RBFOX3: variants seen among roughly 807,000 people sequenced by gnomAD.
RBFOX3 encodes the protein RNA binding fox-1 homolog 3.
Under a neutral mutation model 48.7 loss-of-function variants are expected in RBFOX3, and 17 were observed. The observed-to-expected ratio is 0.35, with a 90% CI of 0.24 to 0.52. The LOEUF is 0.52. RBFOX3 is among the 20% of genes least tolerant of loss of function. The pLI is 0.94. For synonymous variants in RBFOX3, 212 were observed against 209.5 expected, an observed-to-expected ratio of 1.01 and a Z score of -0.10; for missense variants, 382 against 497.5, an observed-to-expected ratio of 0.77 and a Z score of 2.21.
the RBFOX3 span, among the ~76,000 whole-genome samples, chr17:79,661,860 A>G: frequency 1.3e-5 from 2 of 152,178 alleles, no homozygotes; most frequent in African/African-American, 4.8e-5. Context: ...GTGCTTGTTC[A>G]AGTCTTTTTC....
intron 2 of RBFOX3, among the ~76,000 whole-genome samples, chr17:79,326,487 A>G (rs1371610270): frequency 6.6e-6 from 1 of 152,176 alleles, no homozygotes; most frequent in Non-Finnish European, 1.5e-5. Flanking sequence ...GTCAGGCACT[A>G]CACTGGATGC....
At position 79,235,761 on chromosome 17, in the gene RBFOX3, T is replaced by C. The variant is rs973859123; in HGVS notation, c.-34+5A>G. 2.0e-5 allele frequency: 3 copies of C among 153,764 alleles called. No homozygotes were observed. Among genetic ancestry groups the C allele is most frequent in the African/African-American group, 7.2e-5 (3 of 41,454 alleles). 9.5% of individuals were successfully genotyped at this position (153,764 alleles called of 1,614,324 possible). A position where few individuals can be genotyped will look rare whatever the true frequency, so the allele number is the denominator to read the frequency against. The stretch of plus-strand genomic sequence containing the variant: ...ATTCAGGAAAAATAGAGAAAGTCTT[T>C]ATACCTTTTATTCAGCCAATTTTCC... On this transcript the variant is annotated splice_donor_5th_base_variant and intron_variant, in intron 4 of 14. Transcript: ENST00000693108.
chr17:79,561,254 C>T (rs2092195215), intron 1 of RBFOX3, among the ~76,000 whole-genome samples: 2 of 152,188 alleles, frequency 1.3e-5, no homozygotes, highest in East Asian at 1.9e-4. Flanking sequence ...CACCACCGTG[C>T]TCCAAGGGTT....
chr17:79,527,431 C>T (rs1291389178), intron 1 of RBFOX3, among the ~76,000 whole-genome samples: 4 of 152,344 alleles, frequency 2.6e-5, no homozygotes, highest in African/African-American at 9.6e-5. Flanking sequence ...TGGGGGAGCA[C>T]GGTTCCGCAG....
At position 79,089,682 on chromosome 17, in the gene RBFOX3, C is replaced by T. The variant is rs927633744; in HGVS notation, c.*1201G>A. ...GACACTTCATGAGACAGTGGAGCCACGTTGGGAGCCTGTATTTTTTGCTGC... is the reference window on the plus strand; with the variant it reads ...GACACTTCATGAGACAGTGGAGCCATGTTGGGAGCCTGTATTTTTTGCTGC... On this transcript the variant is annotated 3_prime_UTR_variant, in exon 15 of 15. Coordinates refer to ENST00000693108, the MANE Select transcript of RBFOX3 (RefSeq NM_001350451.2). The T allele has an allele frequency of 1.3e-5, 2 of 152,624 alleles. No homozygotes were observed. Among genetic ancestry groups the T allele is most frequent in the Non-Finnish European group, 2.9e-5 (2 of 68,056 alleles). The allele number at this position is 152,624 out of a possible 1,614,324, so 9.5% of individuals were successfully genotyped here.
At chr17:79,098,425 G>A (rs557359818) in intron 9 of RBFOX3, 10 of 152,414 alleles carry the variant, frequency 6.6e-5, no homozygotes, top group East Asian at 1.9e-4. Flanking sequence ...CAGACTGTTC[G>A]AAACTCACGG....
At chr17:79,142,731 G>T (rs556869928) in intron 4 of RBFOX3, among the ~76,000 whole-genome samples, 2 of 152,198 alleles carry the variant, frequency 1.3e-5, no homozygotes, top group Non-Finnish European at 2.9e-5. Flanking sequence ...TCTTGACCCA[G>T]TCTGGGGCTC....
chr17:79,188,632 C>T (rs972815582), intron 4 of RBFOX3, among the ~76,000 whole-genome samples: 13 of 152,220 alleles, frequency 8.5e-5, no homozygotes, highest in Admixed American at 4.6e-4. Flanking sequence ...CGGAGGAATG[C>T]GCTCAGAGAA....
chr17:79,620,757 C>T, the RBFOX3 span, among the ~76,000 whole-genome samples: 2,677 of 152,288 alleles, frequency 0.018, 30 homozygotes, highest in Middle Eastern at 0.031. Context: ...CTCCTGGAAC[C>T]CCACATGATT....
At chr17:79,118,332 G>A (rs1039729769) in intron 4 of RBFOX3, among the ~76,000 whole-genome samples, 5 of 152,180 alleles carry the variant, frequency 3.3e-5, no homozygotes, top group Admixed American at 6.5e-5. Context: ...GTACACACTC[G>A]TGGGAGGTTC....
chr17:79,411,599 GC>G (rs2064351523), intron 2 of RBFOX3, among the ~76,000 whole-genome samples: 1 of 152,144 alleles, frequency 6.6e-6, no homozygotes, highest in South Asian at 2.1e-4. Context: ...CTGCCTGCCA[GC>G]CCGACTTCGG....
At chr17:79,351,743 T>G (rs767433758) in intron 2 of RBFOX3, among the ~76,000 whole-genome samples, 63 of 152,338 alleles carry the variant, frequency 4.1e-4, no homozygotes, top group Non-Finnish European at 7.5e-4. Flanking sequence ...AACTCTCATC[T>G]GAGATATGAT....
At chr17:79,581,589 G>A (rs2093062102) in intron 1 of RBFOX3, among the ~76,000 whole-genome samples, 1 of 152,238 alleles carries the variant, frequency 6.6e-6, no homozygotes, top group Non-Finnish European at 1.5e-5. Flanking sequence ...ACGCTCCTTG[G>A]CCTGCCTTGC....
At chr17:79,359,696 C>T (rs1203027951) in intron 2 of RBFOX3, among the ~76,000 whole-genome samples, 6 of 151,810 alleles carry the variant, frequency 4.0e-5, no homozygotes, top group African/African-American at 1.5e-4. Flanking sequence ...GTGGCTCTGC[C>T]AGGTTTGACT....
rs1383671031 is a variant in RBFOX3, at chr17:79,220,104, C to T, written c.-34+15662G>A. On this transcript the variant is annotated intron_variant, in intron 4 of 14. Coordinates refer to ENST00000693108, the MANE Select transcript of RBFOX3 (RefSeq NM_001350451.2). This position sits in a 1 kb window ranked among gnomAD's most constrained non-coding sequence, Gnocchi z 5.9. ...ACGGGGTGGGGGGGTGGGGGGAGCA[C>T]GCTGAGCTTCCCAACATTTCAGCCC... is the stretch of plus-strand genomic sequence containing the variant. Among the ~76,000 whole-genome samples, 2 of 152,234 alleles carry T rather than the reference C, an allele frequency of 1.3e-5. No individual in the cohort carries two copies. Among genetic ancestry groups the T allele is most frequent in the East Asian group, 1.9e-4 (1 of 5,152 alleles).
chr17:79,564,339 A>G (rs1172821240), intron 1 of RBFOX3, among the ~76,000 whole-genome samples: 1 of 152,204 alleles, frequency 6.6e-6, no homozygotes, highest in Admixed American at 6.5e-5. Context: ...GAAGAAAACC[A>G]GGAGCTGGTG....
chr17:79,095,385 C>T, intron 13 of RBFOX3, 128 bp downstream of exon 13: 1 of 788,174 alleles, frequency 1.3e-6, no homozygotes. Context: ...CTCCCCTGTC[C>T]CGACCCTACT....
At chr17:79,369,251 C>T (rs1179704520) in intron 2 of RBFOX3, among the ~76,000 whole-genome samples, 1 of 152,120 alleles carries the variant, frequency 6.6e-6, no homozygotes, top group East Asian at 1.9e-4. Context: ...ACCATCTTCC[C>T]ACCTCCCCAG....
chr17:79,383,031 A>ACACACACACACACAC (rs2060118021), intron 2 of RBFOX3, among the ~76,000 whole-genome samples: 2 of 141,302 alleles, frequency 1.4e-5, no homozygotes, highest in Non-Finnish European at 1.5e-5. Context: ...CTGCCTCTCA[A>ACACACACACACACAC]ACACACACAC....
Sources: gnomAD v4.1 joint callset for allele counts (sites outside exome capture counted in the v4.1 genomes callset) on GRCh38, gnomAD v4.1.1 for gene constraint, Gnocchi (gnomAD v3.1) non-coding constraint, MANE v1.5 for transcripts, NCBI Gene and HGNC (gene_info 2026-07-23, HGNC 2026-07-21) for gene names.